LZIC: variants seen among roughly 807,000 people sequenced by gnomAD.
The protein encoded by LZIC is leucine zipper and CTNNBIP1 domain containing, also known as protein LZIC.
In LZIC, 28 loss-of-function variants were observed where a neutral mutation model predicts 25.4. That is an observed-to-expected ratio of 1.10 (90% CI 0.82 to 1.51). The LOEUF (loss-of-function observed/expected upper bound fraction) is 1.51, where lower values mean the gene tolerates loss of function less well. Among genes scored for constraint, LZIC ranks in the 40% most tolerant of loss-of-function variants. The pLI is 0.00. For missense variants in LZIC, 170 were observed against 211.1 expected (o/e 0.81, Z 1.21); for synonymous variants, 65 against 70.7 (o/e 0.92, Z 0.40).
intron 5 of LZIC, 123 bp from the exon 6 acceptor site, chr1:9,933,021 G>A (rs1640294350): frequency 1.6e-6 from 1 of 608,086 alleles, no homozygotes; most frequent in Non-Finnish European, 2.9e-6. Flanking sequence ...GGCGGATCAC[G>A]AGGCGGGCGG....
intron 2 of LZIC, among the ~76,000 whole-genome samples, chr1:9,939,404 C>T (rs1640602000): frequency 2.2e-5 from 3 of 134,248 alleles, no homozygotes; most frequent in Non-Finnish European, 3.1e-5. Context: ...ATCGCTCTGT[C>T]ACCCAGGCTG....
At chr1:9,924,840 A>G (rs963655024), downstream of LZIC, among the ~76,000 whole-genome samples, 1 of 152,164 alleles carries the variant, frequency 6.6e-6, no homozygotes, top group African/African-American at 2.4e-5. Flanking sequence ...AGTGACCAAA[A>G]AACAGTACCT....
Position 9,927,776 on chromosome 1 carries a change from C to G in LZIC, c.*2623G>C, listed in dbSNP as rs1362485188. 2.0e-5 allele frequency among the ~76,000 whole-genome samples: 3 copies of G among 149,880 alleles called. No homozygotes were observed. Among genetic ancestry groups the G allele is most frequent in the Non-Finnish European group, 4.4e-5 (3 of 67,716 alleles). On this transcript the variant is annotated 3_prime_UTR_variant, in exon 8 of 8. Transcript: ENST00000377223. ...TCGGCTCACCGAAACCTCTGCCTCC[C>G]AGGTTCAAGTGATTCTCCTGCCTCA...
Position 9,929,977 on chromosome 1 carries a change from AAC to A in LZIC, c.*420_*421del. 1.0e-6 allele frequency: 1 copy of A among 982,796 alleles called. No individual in the cohort carries two copies. Among genetic ancestry groups the A allele is most frequent in the Middle Eastern group, 5.2e-4 (1 of 1,912 alleles). The allele number at this position is 982,796 out of a possible 1,614,324, so 60.9% of individuals were successfully genotyped here. ...TCACTCAGAATTGTAAAATTCTATG[AAC>A]ACTTATGAAGTCTATTGAGCTTGCG... is the stretch of plus-strand genomic sequence containing the variant. On this transcript the variant is annotated 3_prime_UTR_variant, in exon 8 of 8. Transcript: ENST00000377223.
In LZIC at chr1:9,942,608, C is replaced by T. The variant is rs964199934; in HGVS notation, c.-9+16G>A. On this transcript the variant is annotated intron_variant, in intron 2 of 7. Transcript: ENST00000377223. ...AGACACTATATCTGGAGCGGAGGGT[C>T]CTCATTCATGCTCACCTGTCTCTTA... is the stretch of plus-strand genomic sequence containing the variant. 19 of 1,225,420 alleles carry T rather than the reference C, an allele frequency of 1.6e-5. No individual in the cohort carries two copies. The highest frequency in any genetic ancestry group is 6.3e-5 in the South Asian group (5 of 79,492). 75.9% of individuals were successfully genotyped at this position (1,225,420 alleles called of 1,614,324 possible).
intron 2 of LZIC, among the ~76,000 whole-genome samples, chr1:9,941,246 G>A (rs768912932): frequency 6.6e-5 from 10 of 151,876 alleles, no homozygotes; most frequent in Admixed American, 1.3e-4. Flanking sequence ...CCCAGGTGGA[G>A]TGCAGTGGCA....
chr1:9,935,668 T>C, intron 3 of LZIC, 41 bp from the exon 4 acceptor site: 1 of 1,550,924 alleles, frequency 6.4e-7, no homozygotes, highest in Non-Finnish European at 8.7e-7. Flanking sequence ...AATGAAGAGT[T>C]CCAAGTGAAA....
At chr1:9,933,462 C>T (rs1307686463) in intron 5 of LZIC, among the ~76,000 whole-genome samples, 3 of 151,718 alleles carry the variant, frequency 2.0e-5, no homozygotes, top group Non-Finnish European at 4.4e-5. Context: ...CCACCAGAAA[C>T]ACTAATAGCA....
At chr1:9,930,706 AAATTT>A (rs1640172815) in intron 7 of LZIC, among the ~76,000 whole-genome samples, 1 of 151,174 alleles carries the variant, frequency 6.6e-6, no homozygotes, top group African/African-American at 2.4e-5. Flanking sequence ...ATAATATGTA[AAATTT>A]AATTTATTTA....
chr1:9,927,042 T>C lies in LZIC; in HGVS notation c.*3357A>G, dbSNP rs1391289691. On this transcript the variant is annotated 3_prime_UTR_variant, in exon 8 of 8. Transcript: ENST00000377223. ...CAGAGGGGAATGCATAATAATCCTA[T>C]GAGGTAGGCCCTATTATCCTCATTG... is the stretch of plus-strand genomic sequence containing the variant. Among the ~76,000 whole-genome samples, 3 of 152,140 alleles carry C rather than the reference T, an allele frequency of 2.0e-5. No homozygotes were observed. The highest frequency in any genetic ancestry group is 7.2e-5 in the African/African-American group (3 of 41,436).
Position 9,935,567 on chromosome 1 carries a change from A to T in LZIC, c.162T>A (p.Ser54Arg). Residue 54 changes from serine (S) to arginine (R), a missense_variant, in exon 4 of 8, where the codon AGT becomes AGA. Transcript: ENST00000377223. ...ETKKETLEQL[S>R]EFNDSLKKIM... is the part of the protein sequence containing the mutation. The stretch of plus-strand genomic sequence containing the variant: ...TTTTCTTTAGTGAATCATTAAATTC[A>T]CTTAGTTGCTCCAGAGTTTCCTTTT... 2 of 1,612,362 alleles carry T rather than the reference A, an allele frequency of 1.2e-6. No homozygotes were observed. Among genetic ancestry groups the T allele is most frequent in the African/African-American group, 2.7e-5 (2 of 74,952 alleles).
Position 9,931,426 on chromosome 1 carries a change from C to T in LZIC, c.514+465G>A, listed in dbSNP as rs374123598. On this transcript the variant is annotated intron_variant, in intron 7 of 7. Coordinates refer to ENST00000377223, the MANE Select transcript of LZIC (RefSeq NM_032368.5). Reference sequence around the variant, plus strand: ...TACAGGTGCCCACCACCACACCCAGCTAATTTTTTGTGTTTTTCGTAGAGA... The same window carrying T: ...TACAGGTGCCCACCACCACACCCAGTTAATTTTTTGTGTTTTTCGTAGAGA... Among the ~76,000 whole-genome samples the T allele has an allele frequency of 2.6e-5, 4 of 152,132 alleles. No homozygotes were observed. In the East Asian group the frequency reaches 5.8e-4, roughly 22 times the overall value.
At chr1:9,933,254 C>CAAAAAAAAAA (rs60791463) in intron 5 of LZIC, among the ~76,000 whole-genome samples, 1 of 43,384 alleles carries the variant, frequency 2.3e-5, no homozygotes, top group African/African-American at 8.9e-5. Context: ...GACTCCACCA[C>CAAAAAAAAAA]AAAAAAAAAA....
chr1:9,932,709 T>C (rs1255038464), intron 6 of LZIC, 94 bp downstream of exon 6: 6 of 439,428 alleles, frequency 1.4e-5, no homozygotes, highest in African/African-American at 2.4e-5. Flanking sequence ...AAAAAAAGAA[T>C]GTCTTAGTAC....
chr1:9,940,615 G>C (rs1408806948), intron 2 of LZIC, among the ~76,000 whole-genome samples: 1 of 152,224 alleles, frequency 6.6e-6, no homozygotes, highest in African/African-American at 2.4e-5. Flanking sequence ...ACCGCACACA[G>C]CATTAAAGCA....
chr1:9,929,783 GTTAA>G lies in LZIC; in HGVS notation c.*612_*615del, dbSNP rs1469275354. On this transcript the variant is annotated 3_prime_UTR_variant, in exon 8 of 8. Transcript: ENST00000377223. ...AAAAACACTGACTTGCACAAATAGT[GTTAA>G]TTATTTTTTTTAAATGGTACAGAAA... The G allele has an allele frequency of 1.1e-5, 11 of 984,604 alleles. No homozygotes were observed. The highest frequency in any genetic ancestry group is 4.7e-5 in the South Asian group (1 of 21,286). 61.0% of individuals were successfully genotyped at this position (984,604 alleles called of 1,614,324 possible).
At chr1:9,935,690 A>C in intron 3 of LZIC, 63 bp from the exon 4 acceptor site, 1 of 1,419,050 alleles carries the variant, frequency 7.0e-7, no homozygotes, top group South Asian at 1.3e-5. Flanking sequence ...ATGCAATCTT[A>C]ATACTTGTAC....
intron 1 of LZIC, chr1:9,943,044 C>A (rs1382086306): frequency 3.5e-6 from 1 of 286,660 alleles, no homozygotes; most frequent in East Asian, 8.0e-5. Flanking sequence ...GGAGAGCACG[C>A]CTCTTCCTTG....
In LZIC at chr1:9,930,022, G is replaced by A; in HGVS notation, c.*377C>T. 4.0e-6 allele frequency: 4 copies of A among 1,008,304 alleles called. No individual in the cohort carries two copies. Among genetic ancestry groups the A allele is most frequent in the Non-Finnish European group, 4.7e-6 (4 of 842,954 alleles). The allele number at this position is 1,008,304 out of a possible 1,614,324, so 62.5% of individuals were successfully genotyped here. A position where few individuals can be genotyped will look rare whatever the true frequency, so the allele number is the denominator to read the frequency against. ...AGCTTGCGTCACTGTTCACTCCAAT[G>A]AGTGGGGATAAGTTGTAAGCAGAAA... On this transcript the variant is annotated 3_prime_UTR_variant, in exon 8 of 8. Transcript: ENST00000377223.
Sources: allele counts gnomAD v4.1 joint callset (sites outside exome capture counted in the v4.1 genomes callset), GRCh38; gene constraint gnomAD v4.1.1; transcripts MANE v1.5; gene names NCBI Gene and HGNC (gene_info 2026-07-23, HGNC 2026-07-21).